Variants in ZCCHC17 observed in about 807,000 individuals in gnomAD.
ZCCHC17 encodes zinc finger CCHC-type containing 17.
ZCCHC17 carries 18 observed loss-of-function variants against 30.6 expected under a neutral mutation model. The observed-to-expected ratio is 0.59, with a 90% confidence interval of 0.41 to 0.87. ZCCHC17 has a LOEUF of 0.87. Among genes scored for constraint, ZCCHC17 ranks in the 40% least tolerant of loss-of-function variants. The pLI is 0.00. For missense variants in ZCCHC17, 263 were observed against 284.2 expected, an observed-to-expected ratio of 0.93 and a Z score of 0.54; for synonymous variants, 88 against 92.4, an observed-to-expected ratio of 0.95 and a Z score of 0.27.
intron 5 of ZCCHC17, among the ~76,000 whole-genome samples, chr1:31,343,846 A>ATTTTTTTTTT (rs71569979): frequency 2.5e-5 from 2 of 80,774 alleles, no homozygotes; most frequent in African/African-American, 6.4e-5. Context: ...TGCCCCACTA[A>ATTTTTTTTTT]TTTTTTTTTT....
intron 5 of ZCCHC17, among the ~76,000 whole-genome samples, chr1:31,341,577 T>G (rs1423091090): frequency 6.6e-6 from 1 of 152,182 alleles, no homozygotes; most frequent in Non-Finnish European, 1.5e-5. Flanking sequence ...ACAGTAACTT[T>G]TGTTGTAAAT....
At chr1:31,299,537 AAAG>A (rs1293718087) in intron 1 of ZCCHC17, among the ~76,000 whole-genome samples, 1 of 152,218 alleles carries the variant, frequency 6.6e-6, no homozygotes, top group Admixed American at 6.5e-5. Flanking sequence ...TTAAATGTGG[AAAG>A]AAGGAGGGTG....
chr1:31,309,034 T>C (rs1646534897), intron 1 of ZCCHC17, among the ~76,000 whole-genome samples: 1 of 152,236 alleles, frequency 6.6e-6, no homozygotes, highest in African/African-American at 2.4e-5. Flanking sequence ...TTTCATTTTC[T>C]TTATTATTAA....
intron 3 of ZCCHC17, among the ~76,000 whole-genome samples, chr1:31,336,300 T>C (rs975214724): frequency 3.9e-5 from 6 of 152,204 alleles, no homozygotes; most frequent in African/African-American, 1.4e-4. Flanking sequence ...CTGCAAGTTA[T>C]TTCAGCTCTG....
intron 2 of ZCCHC17, among the ~76,000 whole-genome samples, chr1:31,318,831 T>G (rs1646794515): frequency 6.6e-6 from 1 of 152,202 alleles, no homozygotes; most frequent in Non-Finnish European, 1.5e-5. Flanking sequence ...ACTCTGTTGG[T>G]GATTTTACTA....
chr1:31,353,143 T>C (rs952666308), intron 7 of ZCCHC17, among the ~76,000 whole-genome samples: 4 of 152,250 alleles, frequency 2.6e-5, no homozygotes, highest in Admixed American at 1.3e-4. Flanking sequence ...TATCTTTTCA[T>C]GTGCTTATTG....
At chr1:31,324,970 C>T (rs536630410) in intron 3 of ZCCHC17, among the ~76,000 whole-genome samples, 1 of 152,262 alleles carries the variant, frequency 6.6e-6, no homozygotes, top group African/African-American at 2.4e-5. Flanking sequence ...GGTGCTTTTC[C>T]TGGGCCTGCC....
chr1:31,319,548 A>G (rs573116611), intron 3 of ZCCHC17, among the ~76,000 whole-genome samples: 1 of 152,316 alleles, frequency 6.6e-6, no homozygotes, highest in African/African-American at 2.4e-5. Flanking sequence ...TAGTATTGCA[A>G]GTGATACAAA....
chr1:31,322,189 TC>T (rs1646876768), intron 3 of ZCCHC17, among the ~76,000 whole-genome samples: 1 of 152,216 alleles, frequency 6.6e-6, no homozygotes, highest in Non-Finnish European at 1.5e-5. Context: ...TTCTCTAACA[TC>T]AACTGGATGT....
chr1:31,339,827 CTG>C (rs1638967197), intron 5 of ZCCHC17, among the ~76,000 whole-genome samples: 1 of 152,180 alleles, frequency 6.6e-6, no homozygotes, highest in Admixed American at 6.5e-5. Flanking sequence ...TTGGGATACA[CTG>C]TGCTCTGAAA....
chr1:31,300,256 T>A (rs538554987), intron 1 of ZCCHC17, among the ~76,000 whole-genome samples: 7 of 152,104 alleles, frequency 4.6e-5, no homozygotes, highest in Non-Finnish European at 1.0e-4. Context: ...GATAAGGTCT[T>A]GCCATGTTGT....
At chr1:31,345,085 C>T (rs1182301823) in intron 5 of ZCCHC17, among the ~76,000 whole-genome samples, 2 of 150,640 alleles carry the variant, frequency 1.3e-5, no homozygotes, top group Non-Finnish European at 2.9e-5. Flanking sequence ...TTGTGATTAC[C>T]CTTGGGGGAG....
At chr1:31,305,812 G>T (rs559970259) in intron 1 of ZCCHC17, among the ~76,000 whole-genome samples, 2 of 151,890 alleles carry the variant, frequency 1.3e-5, no homozygotes, top group South Asian at 4.2e-4. Flanking sequence ...TAGAACCCTC[G>T]GTTTCTACAG....
At position 31,325,829 on chromosome 1, in the gene ZCCHC17, T is replaced by C. The variant is rs980379571; in HGVS notation, c.124+6663T>C. Among the ~76,000 whole-genome samples, 7 of 152,312 alleles carry C rather than the reference T, an allele frequency of 4.6e-5. No individual in the cohort carries two copies. In the East Asian group the frequency reaches 1.2e-3, roughly 25 times the overall value. ...AGGTGCTGCTGGCCACAGCAGCTTC[T>C]GGCTGGAAAAGTGACACCTGAAGAA... On this transcript the variant is annotated intron_variant, in intron 3 of 7. Transcript: ENST00000344147.
intron 1 of ZCCHC17, 91 bp downstream of exon 1, chr1:31,297,166 G>A (rs1646182312): frequency 5.0e-6 from 2 of 400,910 alleles, no homozygotes; most frequent in East Asian, 3.6e-5. Flanking sequence ...CTCAGCTGAG[G>A]GTGCTGACAG....
At chr1:31,350,589 CTTTA>C (rs918207411) in intron 7 of ZCCHC17, among the ~76,000 whole-genome samples, 3 of 151,776 alleles carry the variant, frequency 2.0e-5, no homozygotes, top group Admixed American at 2.0e-4. Context: ...TAATTTGGGG[CTTTA>C]TTTTTGATTT....
intron 1 of ZCCHC17, among the ~76,000 whole-genome samples, chr1:31,307,412 C>T (rs1646489244): frequency 2.1e-5 from 3 of 141,690 alleles, no homozygotes; most frequent in African/African-American, 7.8e-5. Flanking sequence ...CTGCTTTAGA[C>T]TTTTTTTTTT....
chr1:31,327,782 A>G (rs1638415937), intron 3 of ZCCHC17, among the ~76,000 whole-genome samples: 1 of 152,182 alleles, frequency 6.6e-6, no homozygotes, highest in Non-Finnish European at 1.5e-5. Flanking sequence ...GGCTTCCTTT[A>G]AGTCAAAAGG....
chr1:31,310,005 A>G, intron 1 of ZCCHC17, 39 bp from the exon 2 acceptor site: 1 of 1,187,258 alleles, frequency 8.4e-7, no homozygotes, highest in Admixed American at 1.9e-5. Context: ...TCTTTAATGC[A>G]GATATCTCTC....
Sources: allele counts gnomAD v4.1 joint callset (sites outside exome capture counted in the v4.1 genomes callset), GRCh38; gene constraint gnomAD v4.1.1; transcripts MANE v1.5; gene names NCBI Gene and HGNC (gene_info 2026-07-23, HGNC 2026-07-21).